The following GATAD2A variants were observed in gnomAD, a reference collection of about 807,000 sequenced individuals.
GATAD2A encodes the protein GATA zinc finger domain containing 2A.
Under a neutral mutation model 68.5 loss-of-function variants are expected in GATAD2A, and 12 were observed. The ratio of observed to expected loss-of-function variants is 0.18; its 90% CI spans 0.11 to 0.28. The LOEUF is 0.28. GATAD2A is among the 10% of genes least tolerant of loss of function. GATAD2A has a pLI of 1.00. For missense variants in GATAD2A, 755 were observed against 868.5 expected (o/e 0.87, Z 1.64); for synonymous variants, 410 against 375.3 (o/e 1.09, Z -1.07).
chr19:19,449,437 G>C (rs1275433658), intron 1 of GATAD2A, among the ~76,000 whole-genome samples: 1 of 152,128 alleles, frequency 6.6e-6, no homozygotes, highest in African/African-American at 2.4e-5. Context: ...CACTCCTCCT[G>C]CTTTGGCCTC....
At chr19:19,484,146 C>G (rs1159827125) in intron 2 of GATAD2A, among the ~76,000 whole-genome samples, 2 of 152,188 alleles carry the variant, frequency 1.3e-5, no homozygotes, top group African/African-American at 2.4e-5. Context: ...ATTGCCCGGA[C>G]TGGCCTGGGC....
chr19:19,427,836 G>C (rs2147369091), intron 1 of GATAD2A: 1 of 152,122 alleles, frequency 6.6e-6, no homozygotes, highest in East Asian at 1.9e-4. Flanking sequence ...ACCACACCCA[G>C]CTAATTTTTG....
intron 1 of GATAD2A, among the ~76,000 whole-genome samples, chr19:19,433,106 A>G (rs910613723): frequency 1.3e-5 from 2 of 152,208 alleles, no homozygotes; most frequent in African/African-American, 4.8e-5. Context: ...GTAGAGTGTG[A>G]AAGAAGTTAC....
chr19:19,397,414 G>A (rs182874576), intron 1 of GATAD2A, among the ~76,000 whole-genome samples: 24 of 152,144 alleles, frequency 1.6e-4, no homozygotes, highest in Admixed American at 1.5e-3. Flanking sequence ...TAGTAGAGAT[G>A]GGGTTTCTCC....
Position 19,506,702 on chromosome 19 carries a change from C to G in GATAD2A, c.*1228C>G, listed in dbSNP as rs980339730. The G allele has an allele frequency of 6.6e-6, 1 of 151,024 alleles. No individual in the cohort carries two copies. Among genetic ancestry groups the G allele is most frequent in the Non-Finnish European group, 1.5e-5 (1 of 67,782 alleles). The allele number at this position is 151,024 out of a possible 1,614,324, so 9.4% of individuals were successfully genotyped here. The stretch of plus-strand genomic sequence containing the variant: ...CTTTTAGTTTCATTTTTGTTTCTTT[C>G]CCGTCCCACTCTTTAAAAACTGGTT... On this transcript the variant is annotated 3_prime_UTR_variant, in exon 12 of 12. Coordinates refer to ENST00000683918, the MANE Select transcript of GATAD2A (RefSeq NM_001384528.1).
rs1488314569 is a variant in GATAD2A, at chr19:19,505,252, T to TTGGGGCTGGGGTCTAGGCAGC, written c.1775-90_1775-70dup. ...AGGGCTCCTGGGTCCTTAGTCTGTATTGGGGCTGGGGTCTAGGCAGCTATG... is the reference window on the plus strand; with the variant it reads ...AGGGCTCCTGGGTCCTTAGTCTGTATTGGGGCTGGGGTCTAGGCAGCTGGGGCTGGGGTCTAGGCAGCTATG... On this transcript the variant is annotated intron_variant, in intron 11 of 11. Transcript: ENST00000683918. 2.4e-6 allele frequency: 3 copies of TTGGGGCTGGGGTCTAGGCAGC among 1,264,472 alleles called. No homozygotes were observed. In the African/African-American group the frequency reaches 4.6e-5, roughly 19 times the overall value. The allele number at this position is 1,264,472 out of a possible 1,614,324, so 78.3% of individuals were successfully genotyped here.
chr19:19,463,298 C>T (rs2057607200), intron 1 of GATAD2A, among the ~76,000 whole-genome samples: 1 of 152,122 alleles, frequency 6.6e-6, no homozygotes. Context: ...TCATGGGAGG[C>T]AAGACAGACA....
At chr19:19,461,318 G>A (rs1164801135) in intron 1 of GATAD2A, among the ~76,000 whole-genome samples, 1 of 151,584 alleles carries the variant, frequency 6.6e-6, no homozygotes, top group African/African-American at 2.4e-5. Flanking sequence ...CAGGGGTTTG[G>A]TTTTATGATT....
At chr19:19,403,445 G>A (rs1207600178), upstream of GATAD2A, among the ~76,000 whole-genome samples, 5 of 151,854 alleles carry the variant, frequency 3.3e-5, no homozygotes, top group Non-Finnish European at 1.5e-5. Context: ...CCTACTCCCC[G>A]TCCGACTTTC....
At chr19:19,425,310 C>A (rs758073661) in intron 1 of GATAD2A, among the ~76,000 whole-genome samples, 1 of 152,128 alleles carries the variant, frequency 6.6e-6, no homozygotes, top group East Asian at 1.9e-4. Context: ...CCAGATGGAG[C>A]CTTTTGGGAT....
At chr19:19,492,464 C>T (rs755944333) in intron 3 of GATAD2A, 26 bp downstream of exon 3, 9 of 1,613,522 alleles carry the variant, frequency 5.6e-6, no homozygotes, top group African/African-American at 1.3e-5. Context: ...GCGCTGCCGC[C>T]GGAGCCCCAC....
intron 1 of GATAD2A, chr19:19,427,775 G>A (rs1254060325): frequency 1.3e-5 from 2 of 152,692 alleles, no homozygotes. Flanking sequence ...CCAGGTTCAA[G>A]CGATTCTCCT....
chr19:19,501,841 T>C (rs1350273747), intron 9 of GATAD2A, 128 bp from the exon 10 acceptor site: 1 of 702,950 alleles, frequency 1.4e-6, no homozygotes, highest in East Asian at 2.6e-5. Flanking sequence ...CTAAACGCAT[T>C]TTCTCAAGAT....
intron 1 of GATAD2A, among the ~76,000 whole-genome samples, chr19:19,454,147 G>A (rs866909844): frequency 6.6e-6 from 1 of 151,788 alleles, no homozygotes; most frequent in East Asian, 2.0e-4. Context: ...ATAGGTATGC[G>A]CCACCACGCC....
chr19:19,414,456 T>A (rs1484270916), intron 1 of GATAD2A, among the ~76,000 whole-genome samples: 1 of 151,966 alleles, frequency 6.6e-6, no homozygotes, highest in Non-Finnish European at 1.5e-5. Flanking sequence ...TGTGGCTTGG[T>A]GAATTTTGTT....
At chr19:19,497,842 G>GTCT (rs2060253154) in intron 7 of GATAD2A, among the ~76,000 whole-genome samples, 2 of 152,216 alleles carry the variant, frequency 1.3e-5, no homozygotes, top group Admixed American at 6.5e-5. Flanking sequence ...ACAGTCAAGG[G>GTCT]TCTGCTCCTG....
intron 1 of GATAD2A, among the ~76,000 whole-genome samples, chr19:19,392,480 C>A (rs1208684730): frequency 1.3e-5 from 2 of 151,572 alleles, no homozygotes; most frequent in East Asian, 1.9e-4. Context: ...GCAACCTCCA[C>A]CTCCTGGGTT....
intron 2 of GATAD2A, among the ~76,000 whole-genome samples, chr19:19,475,269 A>G (rs1238463841): frequency 6.6e-6 from 1 of 152,228 alleles, no homozygotes; most frequent in African/African-American, 2.4e-5. Flanking sequence ...GGGTTCTCAT[A>G]GCCCAGGGAC....
chr19:19,438,838 C>T (rs535886872), intron 1 of GATAD2A, among the ~76,000 whole-genome samples: 5 of 152,326 alleles, frequency 3.3e-5, no homozygotes, highest in South Asian at 2.1e-4. Flanking sequence ...AAGCCACCCC[C>T]GAATAATTAT....
Sources: gnomAD v4.1 joint callset for allele counts (sites outside exome capture counted in the v4.1 genomes callset) on GRCh38, gnomAD v4.1.1 for gene constraint, MANE v1.5 for transcripts, NCBI Gene and HGNC (gene_info 2026-07-23, HGNC 2026-07-21) for gene names.